The following DPP10 variants were observed in gnomAD, a reference collection of about 807,000 sequenced individuals.
The protein encoded by DPP10 is inactive dipeptidyl peptidase 10.
DPP10 carries 33 observed loss-of-function variants against 120.9 expected under a neutral mutation model. That is an observed-to-expected ratio of 0.27 (90% CI 0.21 to 0.37). The LOEUF is 0.37. DPP10 is among the 10% of genes least tolerant of loss of function. The probability of loss-of-function intolerance (pLI) is 1.00; values close to 1 mark genes in which losing one functional copy is unlikely to be tolerated. For synonymous variants in DPP10, 337 were observed against 326.1 expected (o/e 1.03, Z -0.36); for missense variants, 816 against 942.8 (o/e 0.87, Z 1.76).
At chr2:115,184,756 A>G (rs963519658) in intron 1 of DPP10, among the ~76,000 whole-genome samples, 15 of 152,232 alleles carry the variant, frequency 9.9e-5, no homozygotes, top group African/African-American at 3.6e-4. Flanking sequence ...GCAGCCTCAC[A>G]TATTGTCGGG....
intron 1 of DPP10, among the ~76,000 whole-genome samples, chr2:115,088,293 C>T (rs1158606217): frequency 6.6e-6 from 1 of 152,110 alleles, no homozygotes; most frequent in Non-Finnish European, 1.5e-5. Flanking sequence ...AGGGAACACA[C>T]TTTGATAGCT....
intron 5 of DPP10, among the ~76,000 whole-genome samples, chr2:115,577,122 C>G (rs79207146): frequency 0.012 from 1,840 of 152,242 alleles, 32 homozygotes; most frequent in African/African-American, 0.043. Flanking sequence ...TGAATATGGC[C>G]AAGGCTGAGG....
intron 13 of DPP10, among the ~76,000 whole-genome samples, chr2:115,771,056 GTATT>G (rs5833633): frequency 0.75 from 111,874 of 149,094 alleles, 42,538 homozygotes; most frequent in East Asian, 0.91. Context: ...ATACTGTACT[GTATT>G]TATTTATTTA....
intron 1 of DPP10, among the ~76,000 whole-genome samples, chr2:114,466,346 G>A (rs929721079): frequency 2.0e-5 from 3 of 152,192 alleles, no homozygotes; most frequent in East Asian, 3.8e-4. Flanking sequence ...GCATAGTTGT[G>A]TGTATATATA....
chr2:114,531,989 C>A (rs913365490), intron 1 of DPP10, among the ~76,000 whole-genome samples: 1 of 151,668 alleles, frequency 6.6e-6, no homozygotes, highest in African/African-American at 2.4e-5. Flanking sequence ...CACTGAGGGG[C>A]GAAATAGAAC....
At chr2:115,163,344 C>T (rs1441537130) in intron 1 of DPP10, among the ~76,000 whole-genome samples, 1 of 152,158 alleles carries the variant, frequency 6.6e-6, no homozygotes, top group Non-Finnish European at 1.5e-5. Context: ...CTTCCCTCCC[C>T]TTCTCTTTTC....
chr2:114,472,282 T>C (rs1355616065), intron 1 of DPP10, among the ~76,000 whole-genome samples: 1 of 152,240 alleles, frequency 6.6e-6, no homozygotes, highest in East Asian at 1.9e-4. Flanking sequence ...GAATGAGAAC[T>C]ATTGCCTTGA....
At chr2:115,558,059 T>G (rs1202887337) in intron 5 of DPP10, among the ~76,000 whole-genome samples, 1 of 152,190 alleles carries the variant, frequency 6.6e-6, no homozygotes, top group Non-Finnish European at 1.5e-5. Flanking sequence ...ATACATTACA[T>G]GTACATTTGT....
At chr2:115,398,719 AGATTT>A (rs1296572696) in intron 3 of DPP10, among the ~76,000 whole-genome samples, 1 of 152,074 alleles carries the variant, frequency 6.6e-6, no homozygotes, top group Non-Finnish European at 1.5e-5. Context: ...ACTTTATATG[AGATTT>A]GATTTTTCAT....
intron 5 of DPP10, among the ~76,000 whole-genome samples, chr2:115,627,404 TGG>T (rs1184960750): frequency 2.0e-5 from 3 of 152,146 alleles, no homozygotes; most frequent in African/African-American, 7.2e-5. Flanking sequence ...AGGTTGCACT[TGG>T]GAACAAAGTG....
chr2:114,734,692 C>T (rs564684500), intron 1 of DPP10, among the ~76,000 whole-genome samples: 8 of 152,130 alleles, frequency 5.3e-5, no homozygotes, highest in Admixed American at 1.3e-4. Context: ...CTCTTTTTGT[C>T]GGCAAAAGAT....
At chr2:114,510,990 G>C (rs1415682094) in intron 1 of DPP10, among the ~76,000 whole-genome samples, 1 of 152,220 alleles carries the variant, frequency 6.6e-6, no homozygotes, top group Non-Finnish European at 1.5e-5. Context: ...GACGCAAAAG[G>C]TATTACAGAC....
chr2:115,329,709 A>C (rs974912067), intron 2 of DPP10, among the ~76,000 whole-genome samples: 2 of 152,100 alleles, frequency 1.3e-5, no homozygotes, highest in African/African-American at 4.8e-5. Flanking sequence ...TCTTTGCGAC[A>C]GTTTGCTGAG....
At chr2:115,799,327 T>C (rs1684899128) in intron 19 of DPP10, among the ~76,000 whole-genome samples, 2 of 152,034 alleles carry the variant, frequency 1.3e-5, no homozygotes, top group Admixed American at 1.3e-4. Flanking sequence ...TTGATACATA[T>C]ATGTTAATGT....
At chr2:115,228,434 A>G (rs947543177) in intron 1 of DPP10, among the ~76,000 whole-genome samples, 2 of 152,094 alleles carry the variant, frequency 1.3e-5, no homozygotes, top group Non-Finnish European at 2.9e-5. Flanking sequence ...CTGTTTTGCT[A>G]TCAAATATAG....
rs770729100 is a variant in DPP10, at chr2:115,336,839, G to C, written c.176-6978G>C. On this transcript the variant is annotated intron_variant, in intron 2 of 25. Coordinates refer to ENST00000410059, the MANE Select transcript of DPP10 (RefSeq NM_020868.6). Reference sequence around the variant, plus strand: ...GATTTACAATCTAATATTTTTTTCTGAGCCACCTTCTCGTTGTTCAGTGTG... The same window carrying C: ...GATTTACAATCTAATATTTTTTTCTCAGCCACCTTCTCGTTGTTCAGTGTG... Among the ~76,000 whole-genome samples the C allele has an allele frequency of 2.6e-5, 4 of 151,596 alleles. No individual in the cohort carries two copies. In the East Asian group the frequency reaches 5.8e-4, roughly 22 times the overall value.
chr2:114,481,984 A>G (rs1681097872), intron 1 of DPP10, among the ~76,000 whole-genome samples: 1 of 150,832 alleles, frequency 6.6e-6, no homozygotes, highest in Non-Finnish European at 1.5e-5. Context: ...GGAGAGAAAG[A>G]AAGAGAGAGA....
At chr2:114,888,712 A>G (rs1319854862) in intron 1 of DPP10, among the ~76,000 whole-genome samples, 1 of 152,194 alleles carries the variant, frequency 6.6e-6, no homozygotes, top group Admixed American at 6.5e-5. Context: ...GTAATGACGT[A>G]CTGAGAGACA....
chr2:115,565,769 G>T lies in DPP10; in HGVS notation c.441+39797G>T, dbSNP rs200882490. Reference sequence around the variant, plus strand: ...ATGGGTTTTTTTTTTTGTTTGTTTTGTTTTTTTTTGTTTTTTTTTGTTTTT... The same window carrying T: ...ATGGGTTTTTTTTTTTGTTTGTTTTTTTTTTTTTTGTTTTTTTTTGTTTTT... On this transcript the variant is annotated intron_variant, in intron 5 of 25. Coordinates refer to ENST00000410059, the MANE Select transcript of DPP10 (RefSeq NM_020868.6). Among the ~76,000 whole-genome samples, 11 of 136,184 alleles carry T rather than the reference G, an allele frequency of 8.1e-5. 1 individual carries two copies. The highest frequency in any genetic ancestry group is 2.2e-4 in the South Asian group (1 of 4,490). 89.3% of individuals were successfully genotyped at this position (136,184 alleles called of 152,430 possible).
Sources: allele counts gnomAD v4.1 joint callset (sites outside exome capture counted in the v4.1 genomes callset), GRCh38; gene constraint gnomAD v4.1.1; transcripts MANE v1.5; gene names NCBI Gene and HGNC (gene_info 2026-07-23, HGNC 2026-07-21).